ERBB2: variants seen among roughly 807,000 people sequenced by gnomAD.
The protein encoded by ERBB2 is receptor tyrosine-protein kinase erbB-2.
A neutral mutation model predicts 149.0 loss-of-function variants in ERBB2; 61 were observed. The ratio of observed to expected loss-of-function variants is 0.41; its 90% CI spans 0.33 to 0.51. ERBB2 has a LOEUF of 0.51. Ranked by LOEUF, ERBB2 falls within the 20% of genes least tolerant of loss-of-function variation. The probability of loss-of-function intolerance (pLI) is 0.25; values close to 1 mark genes in which losing one functional copy is unlikely to be tolerated. For synonymous variants in ERBB2, 633 were observed against 678.8 expected (o/e 0.93, Z 1.05); for missense variants, 1,205 against 1,655.1 (o/e 0.73, Z 4.72).
rs935699840 is a variant in ERBB2 at position 39,726,424 on chromosome 17, G to C, written c.2873-138G>C. ...GTTCTGGCTGAAGACCCCAGAGTCTGGTGCTACTTCTCTACCACCTGAGGG... is the reference window on the plus strand; with the variant it reads ...GTTCTGGCTGAAGACCCCAGAGTCTCGTGCTACTTCTCTACCACCTGAGGG... On this transcript the variant is annotated intron_variant, in intron 23 of 26. Coordinates refer to ENST00000269571, the MANE Select transcript of ERBB2 (RefSeq NM_004448.4). The surrounding 1 kb of genome is among the most constrained non-coding windows in gnomAD (Gnocchi z 5.1). 1 of 683,832 alleles carries C rather than the reference G, an allele frequency of 1.5e-6. No homozygotes were observed. Among genetic ancestry groups the C allele is most frequent in the African/African-American group, 1.8e-5 (1 of 56,506 alleles). 42.4% of individuals were successfully genotyped at this position (683,832 alleles called of 1,614,324 possible). A position where few individuals can be genotyped will look rare whatever the true frequency, so the allele number is the denominator to read the frequency against.
At chr17:39,695,704 T>TACACACACACACACACACACAC (rs56249643), upstream of ERBB2, among the ~76,000 whole-genome samples, 117 of 96,656 alleles carry the variant, frequency 1.2e-3, 7 homozygotes, top group East Asian at 5.8e-3. Flanking sequence ...GGTGCATGCA[T>TACACACACACACACACACACAC]ACACACACAC....
Position 39,708,209 on chromosome 17 carries a change from T to G in ERBB2, c.226-112T>G, listed in dbSNP as rs1384888163. ...CGTTTTATTTAAGCGGGAACAGGAC[T>G]GCTCAGTGGCTGGGGGCCTTGCCCA... On this transcript the variant is annotated intron_variant, in intron 2 of 26. Coordinates refer to ENST00000269571, the MANE Select transcript of ERBB2 (RefSeq NM_004448.4). 5 of 711,182 alleles carry G rather than the reference T, an allele frequency of 7.0e-6. No individual in the cohort carries two copies. In the East Asian group the frequency reaches 1.3e-4, roughly 19 times the overall value. 44.1% of individuals were successfully genotyped at this position (711,182 alleles called of 1,614,324 possible).
At chr17:39,715,596 G>A (rs2059074419) in intron 11 of ERBB2, 60 bp downstream of exon 11, 7 of 1,572,406 alleles carry the variant, frequency 4.5e-6, no homozygotes, top group East Asian at 2.2e-5. Context: ...GTCCCTGTGG[G>A]AAGCTTTGGG....
chr17:39,693,495 G>A (rs901485010), upstream of ERBB2, among the ~76,000 whole-genome samples: 5 of 151,366 alleles, frequency 3.3e-5, no homozygotes, highest in East Asian at 7.7e-4. Flanking sequence ...AGTTTTTTTT[G>A]TTTTGTGACA....
At position 39,700,189 on chromosome 17, in the gene ERBB2, T is replaced by C; in HGVS notation, c.-50T>C. 7.2e-7 allele frequency: 1 copy of C among 1,384,492 alleles called. No individual in the cohort carries two copies. The highest frequency in any genetic ancestry group is 9.3e-7 in the Non-Finnish European group (1 of 1,074,240). The allele number at this position is 1,384,492 out of a possible 1,614,324, so 85.8% of individuals were successfully genotyped here. ...TCGCAGCACCCCGCGCCCCGCGCCC[T>C]CCCAGCCGGGTCCAGCCGGAGCCAT... On this transcript the variant is annotated 5_prime_UTR_variant, in exon 1 of 27. Transcript: ENST00000269571.
At chr17:39,690,665 C>T (rs1393290907), upstream of ERBB2, among the ~76,000 whole-genome samples, 2 of 152,174 alleles carry the variant, frequency 1.3e-5, no homozygotes, top group Non-Finnish European at 2.9e-5. Context: ...CTCTTCCCAA[C>T]TTTCTAGCCT....
upstream of ERBB2, among the ~76,000 whole-genome samples, chr17:39,690,309 T>C (rs1320320936): frequency 6.6e-6 from 1 of 152,172 alleles, no homozygotes; most frequent in African/African-American, 2.4e-5. Flanking sequence ...TGGTCTCCAA[T>C]TCCTGGGCTC....
chr17:39,705,671 G>A (rs1334853111), intron 1 of ERBB2, among the ~76,000 whole-genome samples: 1 of 152,194 alleles, frequency 6.6e-6, no homozygotes, highest in Non-Finnish European at 1.5e-5. Flanking sequence ...GCCCAGGCAG[G>A]GAACCTGGGG....
chr17:39,727,793 C>G lies in ERBB2; in HGVS notation c.3517C>G (p.Leu1173Val), dbSNP rs1455904690. The G allele has an allele frequency of 1.9e-6, 3 of 1,613,242 alleles. No individual in the cohort carries two copies. Among genetic ancestry groups the G allele is most frequent in the East Asian group, 2.2e-5 (1 of 44,872 alleles). Residue 1173 changes from leucine (L) to valine (V), a missense_variant, in exon 27 of 27, where the codon CTC becomes GTC. Leu to Val is a conservative substitution (Grantham distance 32). This residue lies in a region of ERBB2 where 312 missense variants were observed against 343.8 expected (regional missense o/e 0.91). Coordinates refer to ENST00000269571, the MANE Select transcript of ERBB2 (RefSeq NM_004448.4). This position sits in a 1 kb window ranked among gnomAD's most constrained non-coding sequence, Gnocchi z 4.3. The part of the protein sequence containing the change: ...AGATLERPKT[L>V]SPGKNGVVKD... ...TGCCACTCTGGAAAGGCCCAAGACT[C>G]TCTCCCCAGGGAAGAATGGGGTCGT...
chr17:39,695,838 G>A (rs2057852341), upstream of ERBB2, among the ~76,000 whole-genome samples: 1 of 151,800 alleles, frequency 6.6e-6, no homozygotes. Context: ...GCCCCAGCCT[G>A]TTGACTTAGA....
At chr17:39,712,158 T>C in intron 8 of ERBB2, 111 bp downstream of exon 8, 1 of 1,561,790 alleles carries the variant, frequency 6.4e-7, no homozygotes, top group Non-Finnish European at 8.8e-7. Flanking sequence ...GGACCTAGTC[T>C]CTGCCTTCTA....
chr17:39,698,484 C>T (rs573506187), upstream of ERBB2, among the ~76,000 whole-genome samples: 30 of 152,096 alleles, frequency 2.0e-4, no homozygotes, highest in Non-Finnish European at 3.4e-4. Flanking sequence ...TGGTCTCGAT[C>T]TCCTGACCTC....
upstream of ERBB2, chr17:39,696,447 G>A (rs983299136): frequency 2.6e-5 from 4 of 152,348 alleles, no homozygotes; most frequent in Admixed American, 6.5e-5. Context: ...GCTTGGGCGG[G>A]GGGGTGGAGA....
rs2059535723 is a variant in ERBB2 at position 39,723,098 on chromosome 17, G to T, written c.1947-221G>T. 6.6e-6 allele frequency among the ~76,000 whole-genome samples: 1 copy of T among 152,184 alleles called. No individual in the cohort carries two copies. The highest frequency in any genetic ancestry group is 2.1e-4 in the South Asian group (1 of 4,828). ...AGGGCAAGAGTATAGAGAATCTGGA[G>T]ATGCGGAGAGGGTTCTGATTGCCTA... is the stretch of plus-strand genomic sequence containing the variant. On this transcript the variant is annotated intron_variant, in intron 16 of 26. Coordinates refer to ENST00000269571, the MANE Select transcript of ERBB2 (RefSeq NM_004448.4). This position sits in a 1 kb window ranked among gnomAD's most constrained non-coding sequence, Gnocchi z 6.2.
At chr17:39,711,822 T>A in intron 7 of ERBB2, 106 bp from the exon 8 acceptor site, 2 of 1,363,176 alleles carry the variant, frequency 1.5e-6, no homozygotes, top group Admixed American at 1.7e-5. Flanking sequence ...GTAGGGCATT[T>A]AAGTATTGGT....
intron 15 of ERBB2, among the ~76,000 whole-genome samples, chr17:39,719,494 C>A (rs2059333043): frequency 6.6e-6 from 1 of 152,208 alleles, no homozygotes; most frequent in Non-Finnish European, 1.5e-5. Context: ...CCCTGGGATT[C>A]TTCTATGGAG....
intron 16 of ERBB2, chr17:39,720,136 A>ATTC (rs2059369573): frequency 2.4e-6 from 1 of 421,218 alleles, no homozygotes; most frequent in Non-Finnish European, 4.4e-6. Context: ...GGAGACTGAG[A>ATTC]AGAGTACAGC....
chr17:39,721,065 C>G (rs182075540), intron 16 of ERBB2, among the ~76,000 whole-genome samples: 37 of 152,144 alleles, frequency 2.4e-4, no homozygotes, highest in African/African-American at 8.0e-4. Context: ...CTCAAGTTAC[C>G]CTTCTGCAGT....
intron 2 of ERBB2, 124 bp downstream of exon 2, chr17:39,707,265 C>G: frequency 2.4e-6 from 2 of 817,952 alleles, no homozygotes; most frequent in South Asian, 2.3e-5. Context: ...GTTTCTCAAC[C>G]AGGAAGTCCT....
Sources: allele counts gnomAD v4.1 joint callset (sites outside exome capture counted in the v4.1 genomes callset), GRCh38; gene constraint gnomAD v4.1.1; regional missense constraint gnomAD v4.1.1; non-coding constraint Gnocchi (gnomAD v3.1); transcripts MANE v1.5; gene names NCBI Gene and HGNC (gene_info 2026-07-23, HGNC 2026-07-21).